TBC1D22A: variants seen among roughly 807,000 people sequenced by gnomAD.
The protein encoded by TBC1D22A is TBC1 domain family member 22A.
In TBC1D22A, 38 loss-of-function variants were observed where a neutral mutation model predicts 60.2. The observed-to-expected ratio is 0.63, with a 90% CI of 0.49 to 0.83. The LOEUF is 0.83. Ranked by LOEUF, TBC1D22A falls within the 40% of genes least tolerant of loss-of-function variation. The pLI, the probability that TBC1D22A is intolerant of heterozygous loss-of-function variation, is 0.00. For synonymous variants in TBC1D22A, 302 were observed against 281.7 expected, an observed-to-expected ratio of 1.07 and a Z score of -0.72; for missense variants, 628 against 701.0, an observed-to-expected ratio of 0.90 and a Z score of 1.18.
chr22:47,052,443 T>C (rs1463298548), intron 11 of TBC1D22A, among the ~76,000 whole-genome samples: 1 of 152,068 alleles, frequency 6.6e-6, no homozygotes, highest in East Asian at 1.9e-4. Flanking sequence ...AAGATGGGCT[T>C]GATCCATTTA....
intron 8 of TBC1D22A, among the ~76,000 whole-genome samples, chr22:46,948,965 C>T (rs1024393933): frequency 2.0e-4 from 30 of 152,178 alleles, no homozygotes; most frequent in African/African-American, 6.5e-4. Context: ...CTTCCAGGCA[C>T]GGGAGTTCTG....
chr22:47,164,899 G>C (rs1487007287), intron 12 of TBC1D22A, among the ~76,000 whole-genome samples: 2 of 152,204 alleles, frequency 1.3e-5, no homozygotes, highest in Non-Finnish European at 2.9e-5. Flanking sequence ...ATGCTCCACT[G>C]TCTGCAGAAA....
chr22:47,163,636 G>A (rs115116744), intron 12 of TBC1D22A, among the ~76,000 whole-genome samples: 355 of 152,306 alleles, frequency 2.3e-3, no homozygotes, highest in African/African-American at 8.2e-3. Context: ...AGGGAAGGGC[G>A]GTGGAGGGAA....
intron 4 of TBC1D22A, among the ~76,000 whole-genome samples, chr22:46,829,690 TC>T (rs2086224290): frequency 6.6e-6 from 1 of 152,208 alleles, no homozygotes; most frequent in South Asian, 2.1e-4. Flanking sequence ...CAGCTATTAT[TC>T]ATCCCGATGG....
chr22:47,008,687 G>A (rs1407566591), intron 10 of TBC1D22A, among the ~76,000 whole-genome samples: 1 of 152,242 alleles, frequency 6.6e-6, no homozygotes, highest in Non-Finnish European at 1.5e-5. Context: ...CCTGCCCAGG[G>A]TGCTTCCTGA....
intron 9 of TBC1D22A, among the ~76,000 whole-genome samples, chr22:46,977,482 C>T (rs774535217): frequency 6.6e-5 from 10 of 151,960 alleles, no homozygotes; most frequent in Non-Finnish European, 1.5e-4. Flanking sequence ...CTGATGGAGG[C>T]GAGGACAGAA....
chr22:47,120,477 T>G (rs901399743), intron 12 of TBC1D22A, among the ~76,000 whole-genome samples: 4 of 152,228 alleles, frequency 2.6e-5, no homozygotes, highest in Admixed American at 6.5e-5. Flanking sequence ...GTTCATGGGC[T>G]CTTGAGAAGA....
At chr22:47,087,521 C>T (rs1471918209) in intron 11 of TBC1D22A, among the ~76,000 whole-genome samples, 1 of 152,152 alleles carries the variant, frequency 6.6e-6, no homozygotes, top group Non-Finnish European at 1.5e-5. Flanking sequence ...TGTACAGCCC[C>T]AGTAGGATAT....
At chr22:46,934,091 C>T (rs2071508015) in intron 8 of TBC1D22A, among the ~76,000 whole-genome samples, 2 of 152,202 alleles carry the variant, frequency 1.3e-5, no homozygotes, top group South Asian at 2.1e-4. Flanking sequence ...ATGGCACAGG[C>T]AAGGCTTTTT....
chr22:47,169,898 C>G (rs1257506187), intron 12 of TBC1D22A, among the ~76,000 whole-genome samples: 1 of 152,228 alleles, frequency 6.6e-6, no homozygotes, highest in African/African-American at 2.4e-5. Context: ...CCTCTCTCCA[C>G]CTGCCCTCCT....
intron 11 of TBC1D22A, among the ~76,000 whole-genome samples, chr22:47,083,315 A>G (rs190926838): frequency 6.6e-6 from 1 of 151,348 alleles, no homozygotes; most frequent in South Asian, 2.1e-4. Flanking sequence ...TATTAAAATC[A>G]TGTAAAATGT....
At chr22:46,984,936 C>A (rs2074664987) in intron 9 of TBC1D22A, among the ~76,000 whole-genome samples, 1 of 152,148 alleles carries the variant, frequency 6.6e-6, no homozygotes, top group Non-Finnish European at 1.5e-5. Flanking sequence ...TTGGGGGAAG[C>A]CCTGTCCTGC....
At chr22:46,995,071 G>A (rs2075073582) in intron 9 of TBC1D22A, among the ~76,000 whole-genome samples, 1 of 152,184 alleles carries the variant, frequency 6.6e-6, no homozygotes, top group Non-Finnish European at 1.5e-5. Flanking sequence ...TAAAAGTCCT[G>A]CCCATTAAAC....
intron 4 of TBC1D22A, among the ~76,000 whole-genome samples, chr22:46,871,854 T>C (rs2067306885): frequency 6.6e-6 from 1 of 151,946 alleles, no homozygotes; most frequent in African/African-American, 2.4e-5. Context: ...GAAAAATGGG[T>C]AAACAAGAAA....
At chr22:47,114,645 C>T (rs2065966194) in intron 12 of TBC1D22A, among the ~76,000 whole-genome samples, 1 of 152,112 alleles carries the variant, frequency 6.6e-6, no homozygotes. Context: ...GGGCCCAGAA[C>T]ATGATTCCCC....
intron 4 of TBC1D22A, among the ~76,000 whole-genome samples, chr22:46,831,927 G>A (rs2086325725): frequency 6.7e-6 from 1 of 150,300 alleles, no homozygotes; most frequent in South Asian, 2.1e-4. Flanking sequence ...GTGAATTGCT[G>A]TTTGGTGTTA....
At chr22:46,991,513 G>T (rs576272152) in intron 9 of TBC1D22A, among the ~76,000 whole-genome samples, 1 of 152,214 alleles carries the variant, frequency 6.6e-6, no homozygotes, top group Non-Finnish European at 1.5e-5. Context: ...TGCATGAGCC[G>T]AGCAGTCAGC....
At chr22:46,970,839 A>G (rs1423613367) in intron 8 of TBC1D22A, among the ~76,000 whole-genome samples, 1 of 152,124 alleles carries the variant, frequency 6.6e-6, no homozygotes, top group East Asian at 1.9e-4. Context: ...CGCCTGGGCC[A>G]TACACCCAGG....
At chr22:46,961,896 A>G (rs1300610422) in intron 8 of TBC1D22A, among the ~76,000 whole-genome samples, 1 of 152,136 alleles carries the variant, frequency 6.6e-6, no homozygotes, top group Non-Finnish European at 1.5e-5. Context: ...TTTGAGTGTG[A>G]GTGTGTCTGA....
Sources: allele counts gnomAD v4.1 joint callset (sites outside exome capture counted in the v4.1 genomes callset), GRCh38; gene constraint gnomAD v4.1.1; transcripts MANE v1.5; gene names NCBI Gene and HGNC (gene_info 2026-07-23, HGNC 2026-07-21).